Variants in ASTN1 observed in about 807,000 individuals in gnomAD.
The protein encoded by ASTN1 is astrotactin 1.
A neutral mutation model predicts 140.7 loss-of-function variants in ASTN1; 41 were observed. The ratio of observed to expected loss-of-function variants is 0.29; its 90% CI spans 0.23 to 0.38. ASTN1 has a LOEUF of 0.38. ASTN1 is among the 10% of genes least tolerant of loss of function. ASTN1 has a pLI of 1.00. For missense variants in ASTN1, 1,479 were observed against 1,678.8 expected (o/e 0.88, Z 2.08); for synonymous variants, 640 against 652.2 (o/e 0.98, Z 0.29).
At chr1:176,922,556 C>CAAAAAAAAAAAAAAAAAAAAAAAAAA (rs71129589) in intron 16 of ASTN1, among the ~76,000 whole-genome samples, 13 of 77,588 alleles carry the variant, frequency 1.7e-4, no homozygotes, top group African/African-American at 5.5e-4. Flanking sequence ...GCCCCCACTG[C>CAAAAAAAAAAAAAAAAAAAAAAAAAA]AAAAAAAAAA....
intron 1 of ASTN1, among the ~76,000 whole-genome samples, chr1:177,157,459 C>A (rs958829160): frequency 6.6e-6 from 1 of 151,766 alleles, no homozygotes; most frequent in Non-Finnish European, 1.5e-5. Flanking sequence ...GGACTACAGG[C>A]ACACGCCACC....
chr1:177,012,617 T>C (rs1675345870), intron 8 of ASTN1, among the ~76,000 whole-genome samples: 1 of 152,208 alleles, frequency 6.6e-6, no homozygotes, highest in Non-Finnish European at 1.5e-5. Context: ...AAATGACACT[T>C]ATGCTGGGAC....
intron 16 of ASTN1, among the ~76,000 whole-genome samples, chr1:176,908,445 G>A (rs7522154): frequency 0.31 from 47,719 of 152,070 alleles, 9,005 homozygotes; most frequent in East Asian, 0.73. Context: ...CAGCAGCCCC[G>A]TCATGTCTGA....
At chr1:177,066,169 C>T (rs1257479721) in intron 1 of ASTN1, among the ~76,000 whole-genome samples, 44 of 152,208 alleles carry the variant, frequency 2.9e-4, no homozygotes, top group Admixed American at 2.9e-3. Context: ...TCCACTTCTC[C>T]TTTCCCTCTG....
At chr1:177,070,387 G>T (rs957931132) in intron 1 of ASTN1, among the ~76,000 whole-genome samples, 1 of 152,174 alleles carries the variant, frequency 6.6e-6, no homozygotes, top group South Asian at 2.1e-4. Context: ...TTTCAGTAAG[G>T]TCCTCTCTAT....
At chr1:177,038,397 C>T (rs1283694671) in intron 2 of ASTN1, among the ~76,000 whole-genome samples, 5 of 151,880 alleles carry the variant, frequency 3.3e-5, no homozygotes, top group South Asian at 4.1e-4. Flanking sequence ...CAGGTTAAAA[C>T]GCAGCGCCTG....
At chr1:177,122,928 C>T (rs1681473176) in intron 1 of ASTN1, among the ~76,000 whole-genome samples, 2 of 152,136 alleles carry the variant, frequency 1.3e-5, no homozygotes, top group African/African-American at 2.4e-5. Flanking sequence ...TTGGAGGCCT[C>T]TACCTTCTTC....
rs1399205340 is a variant in ASTN1, at chr1:176,886,164, A to G, written c.3075-1674T>C. Among the ~76,000 whole-genome samples the G allele has an allele frequency of 2.0e-5, 3 of 152,220 alleles. No homozygotes were observed. The East Asian group carries it at 5.8e-4, about 29-fold the overall frequency. On this transcript the variant is annotated intron_variant, in intron 18 of 22. Transcript: ENST00000361833. ...ATATGATTTACACAGACTTGTGTAA[A>G]ACTAAAGTATATTTTCGTTTCCCAC...
intron 7 of ASTN1, among the ~76,000 whole-genome samples, chr1:177,016,024 G>A (rs1675528702): frequency 6.6e-6 from 1 of 152,120 alleles, no homozygotes; most frequent in Admixed American, 6.5e-5. Context: ...TCCCCAGAAA[G>A]AAACACTTTA....
At chr1:177,045,311 T>A (rs958216010) in intron 2 of ASTN1, among the ~76,000 whole-genome samples, 1 of 152,224 alleles carries the variant, frequency 6.6e-6, no homozygotes, top group Non-Finnish European at 1.5e-5. Context: ...CTTAGCAGAA[T>A]GTCTAGCACG....
chr1:177,136,362 T>TTG (rs1187146076), intron 1 of ASTN1, among the ~76,000 whole-genome samples: 19 of 141,730 alleles, frequency 1.3e-4, no homozygotes, highest in Admixed American at 7.4e-4. Context: ...TCCTTTTTTT[T>TTG]TTTTTTTTGA....
chr1:177,128,375 T>A (rs573153005), intron 1 of ASTN1, among the ~76,000 whole-genome samples: 2 of 152,234 alleles, frequency 1.3e-5, no homozygotes, highest in Non-Finnish European at 2.9e-5. Flanking sequence ...GTTTGCTTAA[T>A]TGAATCAAAA....
At chr1:177,086,463 A>C (rs1679474045) in intron 1 of ASTN1, among the ~76,000 whole-genome samples, 1 of 152,142 alleles carries the variant, frequency 6.6e-6, no homozygotes. Context: ...TTAGCCTAAA[A>C]ATGTTCCTCT....
chr1:176,932,314 G>A lies in ASTN1; in HGVS notation c.2671+1838C>T, dbSNP rs191360017. On this transcript the variant is annotated intron_variant, in intron 16 of 22. Transcript: ENST00000361833. ...CTTGTCATTCCTAGGGTAAAGTTCC[G>A]TTCTGTATCAGCCCTCTCAGAGAGC... is the stretch of plus-strand genomic sequence containing the variant. 3.3e-5 allele frequency among the ~76,000 whole-genome samples: 5 copies of A among 152,288 alleles called. 1 individual carries two copies. The highest frequency in any genetic ancestry group is 3.4e-3 in the Middle Eastern group (1 of 294).
chr1:177,052,410 C>T (rs1210296676), intron 2 of ASTN1, among the ~76,000 whole-genome samples: 1 of 152,098 alleles, frequency 6.6e-6, no homozygotes, highest in African/African-American at 2.4e-5. Flanking sequence ...ATTAAAACAG[C>T]CCTATAAAGT....
intron 1 of ASTN1, among the ~76,000 whole-genome samples, chr1:177,115,998 T>C (rs1681068760): frequency 6.6e-6 from 1 of 152,230 alleles, no homozygotes; most frequent in Non-Finnish European, 1.5e-5. Flanking sequence ...TGAATCTTCA[T>C]GAAAATCTGG....
At chr1:176,881,610 CTA>C (rs1668802994) in intron 20 of ASTN1, among the ~76,000 whole-genome samples, 1 of 152,096 alleles carries the variant, frequency 6.6e-6, no homozygotes, top group Non-Finnish European at 1.5e-5. Flanking sequence ...CAACTGCCCC[CTA>C]TCAAAAGAGC....
At chr1:177,083,152 T>C (rs979924260) in intron 1 of ASTN1, among the ~76,000 whole-genome samples, 2 of 152,128 alleles carry the variant, frequency 1.3e-5, no homozygotes, top group African/African-American at 4.8e-5. Flanking sequence ...GGCAAGATAG[T>C]CTCATTTTAT....
chr1:177,056,895 C>T (rs73047033), intron 2 of ASTN1, among the ~76,000 whole-genome samples: 6,930 of 152,200 alleles, frequency 0.046, 284 homozygotes, highest in African/African-American at 0.11. Context: ...TGCCTTTTAA[C>T]TGACGAATTG....
Sources: gnomAD v4.1 joint callset for allele counts (sites outside exome capture counted in the v4.1 genomes callset) on GRCh38, gnomAD v4.1.1 for gene constraint, MANE v1.5 for transcripts, NCBI Gene and HGNC (gene_info 2026-07-23, HGNC 2026-07-21) for gene names.